NAV3: variants seen among roughly 807,000 people sequenced by gnomAD.
NAV3 encodes the protein pore membrane and/or filament interacting like protein 1.
Under a neutral mutation model 244.7 loss-of-function variants are expected in NAV3, and 87 were observed. The ratio of observed to expected loss-of-function variants is 0.36; its 90% CI spans 0.30 to 0.42. The LOEUF (loss-of-function observed/expected upper bound fraction) is 0.42. Ranked by LOEUF, NAV3 falls within the 20% of genes least tolerant of loss-of-function variation. The pLI, the probability that NAV3 is intolerant of heterozygous loss-of-function variation, is 1.00. For synonymous variants in NAV3, 1,126 were observed against 1,042.2 expected (o/e 1.08, Z -1.55); for missense variants, 2,663 against 2,893.3 (o/e 0.92, Z 1.83).
intron 2 of NAV3, among the ~76,000 whole-genome samples, chr12:77,806,388 A>G (rs367922442): frequency 2.6e-5 from 4 of 152,196 alleles, no homozygotes; most frequent in East Asian, 1.9e-4. Flanking sequence ...TTGGTTTCAA[A>G]GAACTTATTT....
intron 2 of NAV3, among the ~76,000 whole-genome samples, chr12:77,747,939 C>T (rs1024546006): frequency 1.4e-4 from 22 of 151,902 alleles, no homozygotes; most frequent in African/African-American, 3.9e-4. Flanking sequence ...TGTTACATGA[C>T]GAGATAATGG....
chr12:78,114,120 T>C (rs986840431), intron 12 of NAV3, among the ~76,000 whole-genome samples: 1 of 152,216 alleles, frequency 6.6e-6, no homozygotes, highest in Non-Finnish European at 1.5e-5. Context: ...AACAAGTTCC[T>C]CATCTCCATC....
At chr12:77,748,709 T>C (rs1224606103) in intron 2 of NAV3, among the ~76,000 whole-genome samples, 6 of 152,016 alleles carry the variant, frequency 3.9e-5, no homozygotes, top group Admixed American at 3.9e-4. Flanking sequence ...AGTAGGATAG[T>C]GGTTACCAGG....
chr12:78,102,815 A>G (rs1954603920), intron 12 of NAV3, among the ~76,000 whole-genome samples: 1 of 152,156 alleles, frequency 6.6e-6, no homozygotes, highest in African/African-American at 2.4e-5. Flanking sequence ...GCTGAGCTAT[A>G]CCTTGGCCCC....
intron 9 of NAV3, among the ~76,000 whole-genome samples, chr12:78,030,788 T>C (rs10506766): frequency 0.02 from 3,042 of 152,296 alleles, 88 homozygotes; most frequent in African/African-American, 0.065. Context: ...TAAAGAGTCA[T>C]GCAGAACTTA....
intron 12 of NAV3, among the ~76,000 whole-genome samples, chr12:78,081,338 T>A (rs932671622): frequency 5.3e-5 from 8 of 152,178 alleles, no homozygotes; most frequent in African/African-American, 1.7e-4. Context: ...ATGAACCTGG[T>A]AGTTCAGTAC....
At chr12:77,905,268 A>G (rs981832419) in intron 1 of NAV3, among the ~76,000 whole-genome samples, 1 of 152,116 alleles carries the variant, frequency 6.6e-6, no homozygotes, top group African/African-American at 2.4e-5. Flanking sequence ...TGTATTTATT[A>G]CTAGCAGTAT....
intron 1 of NAV3, among the ~76,000 whole-genome samples, chr12:77,890,391 C>G (rs1356573883): frequency 6.6e-6 from 1 of 152,166 alleles, no homozygotes; most frequent in Non-Finnish European, 1.5e-5. Context: ...GCTGGGATTA[C>G]AGGCATGAAC....
At chr12:78,119,989 T>G (rs1411324485) in intron 15 of NAV3, 44 bp downstream of exon 15, 1 of 1,503,906 alleles carries the variant, frequency 6.6e-7, no homozygotes, top group African/African-American at 1.4e-5. Context: ...AAAGGATAAA[T>G]ATGTGTTAGA....
At chr12:77,924,685 A>G (rs1199451232) in intron 1 of NAV3, among the ~76,000 whole-genome samples, 2 of 152,222 alleles carry the variant, frequency 1.3e-5, no homozygotes, top group Non-Finnish European at 2.9e-5. Flanking sequence ...TATTCTATGA[A>G]AGTAAATTAG....
chr12:78,114,695 G>C (rs1955281471), intron 12 of NAV3, among the ~76,000 whole-genome samples: 1 of 152,098 alleles, frequency 6.6e-6, no homozygotes, highest in Non-Finnish European at 1.5e-5. Flanking sequence ...AGGAGATTTG[G>C]GTGGGGACAC....
chr12:77,905,976 G>A lies in NAV3; in HGVS notation c.244-34343G>A, dbSNP rs542198340. Among the ~76,000 whole-genome samples the A allele has an allele frequency of 1.9e-3, 288 of 152,182 alleles. 3 individuals carry two copies. The highest frequency in any genetic ancestry group is 0.01 in the Middle Eastern group (3 of 294). On this transcript the variant is annotated intron_variant, in intron 1 of 39. Coordinates refer to ENST00000397909, the MANE Select transcript of NAV3 (RefSeq NM_001024383.2). ...GGGTAGTTAACTGTCACTAGACCTT[G>A]CTCCCTCTGGTCACTTCTGATTAGA...
Position 78,168,871 on chromosome 12 carries a change from A to G in NAV3, c.4981+5A>G, listed in dbSNP as rs1957886500. 1 of 1,571,088 alleles carries G rather than the reference A, an allele frequency of 6.4e-7. No homozygotes were observed. The highest frequency in any genetic ancestry group is 8.6e-7 in the Non-Finnish European group (1 of 1,156,230). On this transcript the variant is annotated splice_donor_5th_base_variant and intron_variant, in intron 24 of 39. Transcript: ENST00000397909. The stretch of plus-strand genomic sequence containing the variant: ...GTCCAGACCATCCTCCCAAAGGTAT[A>G]TTTAGAAATCATTTCATTTCCACCC...
chr12:77,693,619 T>G (rs1269418444), intron 2 of NAV3, among the ~76,000 whole-genome samples: 1 of 152,144 alleles, frequency 6.6e-6, no homozygotes, highest in Non-Finnish European at 1.5e-5. Flanking sequence ...GGTGAAATCT[T>G]GGGGCTAAAC....
At chr12:77,576,783 G>T (rs1320239336) in intron 2 of NAV3, among the ~76,000 whole-genome samples, 1 of 151,934 alleles carries the variant, frequency 6.6e-6, no homozygotes, top group Non-Finnish European at 1.5e-5. Context: ...AGTGAGGATA[G>T]GTCTAGCCCT....
intron 12 of NAV3, among the ~76,000 whole-genome samples, chr12:78,087,496 G>A (rs1306112386): frequency 6.6e-6 from 1 of 151,970 alleles, no homozygotes; most frequent in South Asian, 2.1e-4. Context: ...AGCAAGAAAT[G>A]AGTATTTCAG....
chr12:77,895,862 T>C (rs1213528269), intron 1 of NAV3, among the ~76,000 whole-genome samples: 4 of 147,512 alleles, frequency 2.7e-5, no homozygotes, highest in Non-Finnish European at 3.0e-5. Context: ...CATATAAAAG[T>C]ATAAATTATA....
rs114141193 is a variant in NAV3, at chr12:77,678,364, C to T, written c.72+106098C>T. ...GAAGCTTAAGCACTTAAACTTTTAA[C>T]GTTTACTAACGTATTTTAATGGAAA... On this transcript the variant is annotated intron_variant, in intron 2 of 8. Transcript: ENST00000550042. Among the ~76,000 whole-genome samples the T allele has an allele frequency of 6.5e-3, 989 of 152,008 alleles. 16 individuals are homozygous for T. The highest frequency in any genetic ancestry group is 0.023 in the African/African-American group (936 of 41,458).
intron 1 of NAV3, among the ~76,000 whole-genome samples, chr12:77,842,810 T>G (rs1161120297): frequency 6.6e-6 from 1 of 152,112 alleles, no homozygotes; most frequent in Non-Finnish European, 1.5e-5. Flanking sequence ...AAATGCAAGG[T>G]GAATTTCTAA....
Sources: gnomAD v4.1 joint callset for allele counts (sites outside exome capture counted in the v4.1 genomes callset) on GRCh38, gnomAD v4.1.1 for gene constraint, MANE v1.5 for transcripts, NCBI Gene and HGNC (gene_info 2026-07-23, HGNC 2026-07-21) for gene names.